TNPO2: variants seen among roughly 807,000 people sequenced by gnomAD.
The protein encoded by TNPO2 is transportin 2.
A neutral mutation model predicts 111.1 loss-of-function variants in TNPO2; 16 were observed. The ratio of observed to expected loss-of-function variants is 0.14; its 90% CI spans 0.10 to 0.22. TNPO2 has a LOEUF of 0.22. TNPO2 is among the 10% of genes least tolerant of loss of function. The probability of loss-of-function intolerance (pLI) is 1.00; values close to 1 mark genes in which losing one functional copy is unlikely to be tolerated. For missense variants in TNPO2, 530 were observed against 1,173.7 expected, an observed-to-expected ratio of 0.45 and a Z score of 8.01; for synonymous variants, 481 against 475.8, an observed-to-expected ratio of 1.01 and a Z score of -0.14.
chr19:12,705,454 A>G lies in TNPO2; in HGVS notation c.1863+38T>C, dbSNP rs771610871. On this transcript the variant is annotated intron_variant, in intron 17 of 25. Transcript: ENST00000425528. The surrounding 1 kb of genome is among the most constrained non-coding windows in gnomAD (Gnocchi z 7.2). ...AAGTGGAGCAGGCCCGAGGCAGGCC[A>G]ATGCAGAAGCACAGGTGACGGGCCT... The G allele has an allele frequency of 2.5e-6, 4 of 1,576,728 alleles. No homozygotes were observed. The South Asian group carries it at 4.6e-5, about 18-fold the overall frequency.
Position 12,714,192 on chromosome 19 carries a change from G to T in TNPO2, c.890+629C>A, listed in dbSNP as rs1327123376. On this transcript the variant is annotated intron_variant, in intron 10 of 25. Transcript: ENST00000425528. ...AGGCTACAGCACTACCCAGAGGGAA[G>T]GTTGTGCCTAAGAATGAAGCCAACA... Among the ~76,000 whole-genome samples the T allele has an allele frequency of 2.0e-5, 3 of 152,150 alleles. No homozygotes were observed. In the East Asian group the frequency reaches 5.8e-4, roughly 29 times the overall value.
At position 12,706,200 on chromosome 19, in the gene TNPO2, T is replaced by C. The variant is rs2025654459; in HGVS notation, c.1664A>G (p.Gln555Arg). Reference protein sequence around the residue: ...LADSVGHHLNQPEYIQKLMPP... With the variant: ...LADSVGHHLNRPEYIQKLMPP... ...GGAGCCGCTCTGGGGTCTCACCGGC[T>C]GGTTGAGGTGGTGGCCTACAGAGTC... Residue 555 changes from glutamine to arginine, a missense_variant, in exon 15 of 26, where the codon CAG (glutamine) becomes CGG (arginine). Physicochemically the swap from Gln to Arg is conservative, Grantham distance 43. This residue lies in a region of TNPO2 where 183 missense variants were observed against 481.0 expected (regional missense o/e 0.38). Transcript: ENST00000425528. The surrounding 1 kb of genome is among the most constrained non-coding windows in gnomAD (Gnocchi z 7.0). 1 of 1,613,258 alleles carries C rather than the reference T, an allele frequency of 6.2e-7. No individual in the cohort carries two copies. The highest frequency in any genetic ancestry group is 1.7e-5 in the Admixed American group (1 of 59,932).
Position 12,701,196 on chromosome 19 carries a change from TGCA to T in TNPO2, c.*65_*67del. ...CAACCAGGGCACAGCGACTTCCGGATGCAGCGCACTCCCCAGTAATCCCTCCGA... is the reference window on the plus strand; with the variant it reads ...CAACCAGGGCACAGCGACTTCCGGATGCGCACTCCCCAGTAATCCCTCCGA... On this transcript the variant is annotated 3_prime_UTR_variant, in exon 26 of 26. Transcript: ENST00000425528. The surrounding 1 kb of genome is among the most constrained non-coding windows in gnomAD (Gnocchi z 5.0). The T allele has an allele frequency of 1.6e-6, 1 of 623,370 alleles. No individual in the cohort carries two copies. Among genetic ancestry groups the T allele is most frequent in the Non-Finnish European group, 2.8e-6 (1 of 358,698 alleles). The allele number at this position is 623,370 out of a possible 1,614,324, so 38.6% of individuals were successfully genotyped here. A position where few individuals can be genotyped will look rare whatever the true frequency, so the allele number is the denominator to read the frequency against.
At position 12,701,506 on chromosome 19, in the gene TNPO2, G is replaced by A. The variant is rs1171182640; in HGVS notation, c.2587-53C>T. On this transcript the variant is annotated intron_variant, in intron 24 of 25. Coordinates refer to ENST00000425528, the MANE Select transcript of TNPO2 (RefSeq NM_001382241.1). The surrounding 1 kb of genome is among the most constrained non-coding windows in gnomAD (Gnocchi z 5.0). ...GGCAGGGGCAGAACAAGGGGAGTGC[G>A]CCTCTTCCCCCATCCCCAGGCCCCA... The A allele has an allele frequency of 7.5e-6, 12 of 1,591,074 alleles. No individual in the cohort carries two copies. The East Asian group carries it at 1.3e-4, about 18-fold the overall frequency.
Position 12,714,762 on chromosome 19 carries a change from G to A in TNPO2, c.890+59C>T, listed in dbSNP as rs140434491. 1.7e-3 allele frequency: 2,284 copies of A among 1,347,998 alleles called. 4 individuals carry two copies. The highest frequency in any genetic ancestry group is 6.0e-3 in the Middle Eastern group (33 of 5,524). 83.5% of individuals were successfully genotyped at this position (1,347,998 alleles called of 1,614,324 possible). A position where few individuals can be genotyped will look rare whatever the true frequency, so the allele number is the denominator to read the frequency against. On this transcript the variant is annotated intron_variant, in intron 10 of 25. Transcript: ENST00000425528. ...GCACAGCAGGTGACCAGAAGGGAAG[G>A]CAGAGGCATAGCAAGGGGTCGAAGC... is the stretch of plus-strand genomic sequence containing the variant.
intron 10 of TNPO2, among the ~76,000 whole-genome samples, chr19:12,713,434 G>A (rs1315250842): frequency 1.3e-5 from 2 of 151,606 alleles, no homozygotes; most frequent in East Asian, 1.9e-4. Flanking sequence ...GAGCCCATAA[G>A]TTTGAGACCA....
In TNPO2 at chr19:12,710,754, T is replaced by G. The variant is rs1599418034; in HGVS notation, c.1137A>C (p.Ala379=). ...GGAAGACATTGGCGAGGACGTCCAG[T>G]GCAGCCGCTGAGCACTTCCCTGGGG... The part of the protein sequence containing the change: ...DWNLRKCSAA[A]LDVLANVFRE... Residue 379 remains alanine, a synonymous_variant, in exon 13 of 26, where the codon GCA becomes GCC. Transcript: ENST00000425528. 2 of 1,611,764 alleles carry G rather than the reference T, an allele frequency of 1.2e-6. No individual in the cohort carries two copies. Among genetic ancestry groups the G allele is most frequent in the South Asian group, 2.2e-5 (2 of 90,690 alleles).
At position 12,719,223 on chromosome 19, in the gene TNPO2, C is replaced by T. The variant is rs1162603349; in HGVS notation, c.175+38G>A. 3.1e-6 allele frequency: 5 copies of T among 1,613,832 alleles called. No homozygotes were observed. Among genetic ancestry groups the T allele is most frequent in the East Asian group, 2.2e-5 (1 of 44,882 alleles). On this transcript the variant is annotated intron_variant, in intron 4 of 25. Coordinates refer to ENST00000425528, the MANE Select transcript of TNPO2 (RefSeq NM_001382241.1). This position sits in a 1 kb window ranked among gnomAD's most constrained non-coding sequence, Gnocchi z 5.0. Reference sequence around the variant, plus strand: ...GGTTCAGGGGCCCAGGGGGAGAAAGCAGGGTCCCGATCGCATGGAAGGGAG... The same window carrying T: ...GGTTCAGGGGCCCAGGGGGAGAAAGTAGGGTCCCGATCGCATGGAAGGGAG...
intron 5 of TNPO2, among the ~76,000 whole-genome samples, chr19:12,716,264 G>C (rs1047049459): frequency 3.3e-5 from 5 of 152,162 alleles, no homozygotes; most frequent in African/African-American, 1.2e-4. Flanking sequence ...ACAGCACAGA[G>C]CAAAACACAA....
Position 12,701,885 on chromosome 19 carries a change from C to G in TNPO2, c.2412-34G>C. On this transcript the variant is annotated intron_variant, in intron 22 of 25. Coordinates refer to ENST00000425528, the MANE Select transcript of TNPO2 (RefSeq NM_001382241.1). This position sits in a 1 kb window ranked among gnomAD's most constrained non-coding sequence, Gnocchi z 5.0. ...AGGTGAGCAGCTGGAGGTCAGAGGG[C>G]AGGCTGGGCATGCATCTGTGGAGGG... is the stretch of plus-strand genomic sequence containing the variant. 2 of 1,578,358 alleles carry G rather than the reference C, an allele frequency of 1.3e-6. No homozygotes were observed. The highest frequency in any genetic ancestry group is 1.7e-6 in the Non-Finnish European group (2 of 1,150,240).
intron 13 of TNPO2, among the ~76,000 whole-genome samples, chr19:12,710,269 CTG>C (rs2025963322): frequency 6.6e-6 from 1 of 152,182 alleles, no homozygotes; most frequent in South Asian, 2.1e-4. Context: ...ATCTTCGAAA[CTG>C]GGATCCGGCA....
chr19:12,703,610 G>A (rs1161176620), intron 19 of TNPO2, 84 bp from the exon 20 acceptor site: 12 of 1,569,550 alleles, frequency 7.6e-6, no homozygotes, highest in Middle Eastern at 1.7e-4. Context: ...CCATCAGACA[G>A]TACGAATACA....
In TNPO2 at chr19:12,704,868, A is replaced by G. The variant is rs142583268; in HGVS notation, c.2022+372T>C. Among the ~76,000 whole-genome samples the G allele has an allele frequency of 1.0e-3, 152 of 152,134 alleles. 2 individuals carry two copies. In the East Asian group the frequency reaches 0.027, roughly 27 times the overall value. ...TGGCTAATTTTTGTATTTTTCGTAG[A>G]GACAGGATTTCACCGTGTTGGCCAA... is the stretch of plus-strand genomic sequence containing the variant. On this transcript the variant is annotated intron_variant, in intron 18 of 25. Transcript: ENST00000425528.
rs368554511 is a variant in TNPO2 at position 12,710,591 on chromosome 19, G to A, written c.1270+30C>T. On this transcript the variant is annotated intron_variant, in intron 13 of 25. Transcript: ENST00000425528. The stretch of plus-strand genomic sequence containing the variant: ...GGGCCAGCCCTACAGTCTCATGCCA[G>A]CACAGGGCTCAGAGATCAGGCGCAC... The A allele has an allele frequency of 1.1e-5, 18 of 1,608,090 alleles. No homozygotes were observed. The African/African-American group carries it at 2.3e-4, about 20-fold the overall frequency.
At chr19:12,723,062 A>C (rs893539182) in intron 2 of TNPO2, among the ~76,000 whole-genome samples, 187 bp downstream of exon 2, 14 of 152,256 alleles carry the variant, frequency 9.2e-5, no homozygotes, top group African/African-American at 3.4e-4. Context: ...GAAAGAAAGC[A>C]GGACAAAGTA....
rs1268218064 is a variant in TNPO2, at chr19:12,721,310, G to A, written c.-13-320C>T. The A allele has an allele frequency of 4.7e-6, 6 of 1,285,500 alleles. No homozygotes were observed. Among genetic ancestry groups the A allele is most frequent in the Non-Finnish European group, 5.0e-6 (5 of 998,116 alleles). 79.6% of individuals were successfully genotyped at this position (1,285,500 alleles called of 1,614,324 possible). On this transcript the variant is annotated intron_variant, in intron 2 of 25. Transcript: ENST00000425528. This position sits in a 1 kb window ranked among gnomAD's most constrained non-coding sequence, Gnocchi z 4.9. ...GGCCCATGCCGCTGACCCCGGCTCC[G>A]AGCCCGAAGGCTTCCACCTCCCTCG...
In TNPO2 at chr19:12,700,747, T is replaced by C. The variant is rs1484232281; in HGVS notation, c.*517A>G. On this transcript the variant is annotated 3_prime_UTR_variant, in exon 26 of 26. Coordinates refer to ENST00000425528, the MANE Select transcript of TNPO2 (RefSeq NM_001382241.1). ...AGGTTACACGGAAGGCCTTACGGGTTAACTCAGGGGTTCACTAATTCTACT... is the reference window on the plus strand; with the variant it reads ...AGGTTACACGGAAGGCCTTACGGGTCAACTCAGGGGTTCACTAATTCTACT... The C allele has an allele frequency of 6.6e-6, 1 of 151,584 alleles. No homozygotes were observed. The highest frequency in any genetic ancestry group is 1.5e-5 in the Non-Finnish European group (1 of 68,022). The allele number at this position is 151,584 out of a possible 1,614,324, so 9.4% of individuals were successfully genotyped here.
chr19:12,703,471 G>A lies in TNPO2; in HGVS notation c.2166C>T (p.Cys722=), dbSNP rs775357345. ...TNLNPEFISV[C]NNATWAIGEI... is the part of the protein sequence containing the mutation. ...CACCAATGGCCCAGGTGGCGTTGTT[G>A]CAGACGGAGATGAACTCTGGGTTCA... The change falls in exon 20 of 26, where the codon TGC becomes TGT. Residue 722 remains cysteine, a synonymous_variant. Transcript: ENST00000425528. The A allele has an allele frequency of 6.2e-7, 1 of 1,614,010 alleles. No individual in the cohort carries two copies. Among genetic ancestry groups the A allele is most frequent in the Non-Finnish European group, 8.5e-7 (1 of 1,179,892 alleles).
At chr19:12,712,350 C>G (rs2026109878) in intron 10 of TNPO2, among the ~76,000 whole-genome samples, 1 of 152,142 alleles carries the variant, frequency 6.6e-6, no homozygotes, top group South Asian at 2.1e-4. Flanking sequence ...CTCCCTTTCC[C>G]CGGGGGAGTT....
Sources: allele counts gnomAD v4.1 joint callset (sites outside exome capture counted in the v4.1 genomes callset), GRCh38; gene constraint gnomAD v4.1.1; regional missense constraint gnomAD v4.1.1; non-coding constraint Gnocchi (gnomAD v3.1); transcripts MANE v1.5; gene names NCBI Gene and HGNC (gene_info 2026-07-23, HGNC 2026-07-21).